NASP: variants seen among roughly 807,000 people sequenced by gnomAD.
NASP encodes the protein nuclear autoantigenic sperm protein, also known as NASP histone chaperone.
A neutral mutation model predicts 89.5 loss-of-function variants in NASP; 24 were observed. The ratio of observed to expected loss-of-function variants is 0.27; its 90% CI spans 0.19 to 0.38. The LOEUF is 0.38. Among genes scored for constraint, NASP ranks in the 10% least tolerant of loss-of-function variants. NASP has a pLI of 1.00. For synonymous variants in NASP, 306 were observed against 324.7 expected (o/e 0.94, Z 0.62); for missense variants, 848 against 921.4 (o/e 0.92, Z 1.03).
intron 6 of NASP, chr1:45,610,325 A>G (rs139287517): frequency 2.0e-5 from 3 of 152,222 alleles, no homozygotes; most frequent in East Asian, 1.9e-4. Context: ...AAGACAATAC[A>G]GTTTTCCATA....
chr1:45,584,783 ATTGT>A (rs1644505445), intron 1 of NASP, among the ~76,000 whole-genome samples: 1 of 151,930 alleles, frequency 6.6e-6, no homozygotes, highest in Non-Finnish European at 1.5e-5. Flanking sequence ...GGAAAACTCC[ATTGT>A]TTGGGGCCGC....
At chr1:45,588,568 G>A (rs969823612) in intron 1 of NASP, 11 of 438,344 alleles carry the variant, frequency 2.5e-5, no homozygotes, top group African/African-American at 2.1e-4. Flanking sequence ...ATGTATGGGA[G>A]TACAATTTCT....
intron 1 of NASP, among the ~76,000 whole-genome samples, chr1:45,585,392 G>C (rs988194761): frequency 2.6e-5 from 4 of 152,078 alleles, no homozygotes; most frequent in Non-Finnish European, 5.9e-5. Flanking sequence ...TTTGTTTATA[G>C]TTAGAGATTT....
intron 1 of NASP, among the ~76,000 whole-genome samples, chr1:45,587,083 T>G (rs962961553): frequency 2.0e-5 from 3 of 152,216 alleles, no homozygotes; most frequent in African/African-American, 7.2e-5. Flanking sequence ...TTAGGTTGGC[T>G]TTTGTCCCCT....
intron 2 of NASP, among the ~76,000 whole-genome samples, chr1:45,601,041 A>G (rs965582032): frequency 2.0e-5 from 3 of 152,124 alleles, no homozygotes; most frequent in African/African-American, 7.2e-5. Context: ...TTTTATTACT[A>G]CGTTCTAAGA....
chr1:45,615,615 A>G, intron 11 of NASP, 144 bp downstream of exon 11: 1 of 719,510 alleles, frequency 1.4e-6, no homozygotes, highest in Non-Finnish European at 2.3e-6. Flanking sequence ...TGCAGTGGTT[A>G]AGAGGAAATA....
intron 12 of NASP, 41 bp downstream of exon 12, chr1:45,616,434 T>G: frequency 6.3e-7 from 1 of 1,598,150 alleles, no homozygotes; most frequent in East Asian, 2.2e-5. Flanking sequence ...ACATTAAGTC[T>G]CAGTGTTGGC....
intron 1 of NASP, among the ~76,000 whole-genome samples, chr1:45,587,778 G>T (rs1462870456): frequency 6.8e-6 from 1 of 148,092 alleles, no homozygotes; most frequent in Non-Finnish European, 1.5e-5. Context: ...TGCCTCCCCT[G>T]TGCAAGCGAT....
At chr1:45,586,279 TGTGTG>T (rs1263260220) in intron 1 of NASP, among the ~76,000 whole-genome samples, 23 of 39,740 alleles carry the variant, frequency 5.8e-4, no homozygotes, top group Admixed American at 1.8e-3. Context: ...TGTGTGTGTG[TGTGTG>T]GTGTGTGTGT....
At chr1:45,607,239 G>GGAAT (rs745851273) in intron 5 of NASP, 82 bp from the exon 6 acceptor site, 2 of 1,409,162 alleles carry the variant, frequency 1.4e-6, no homozygotes, top group East Asian at 4.8e-5. Flanking sequence ...GGGTTTAAAG[G>GGAAT]GAATGTATTT....
At chr1:45,604,778 A>G (rs1382402511) in intron 3 of NASP, 158 bp from the exon 4 acceptor site, 2 of 577,190 alleles carry the variant, frequency 3.5e-6, no homozygotes, top group Non-Finnish European at 6.1e-6. Context: ...CAAAATTTTC[A>G]TGCATTGTTT....
intron 3 of NASP, among the ~76,000 whole-genome samples, chr1:45,602,809 A>G (rs1387652700): frequency 6.6e-6 from 1 of 152,188 alleles, no homozygotes; most frequent in Non-Finnish European, 1.5e-5. Flanking sequence ...CTTTTGGTAG[A>G]GATGGGGTTT....
rs774690643 is a variant in NASP at position 45,616,722 on chromosome 1, T to G, written c.2157+19T>G. ...AAAGAAGGTAAGTCTACATGTGGTG[T>G]TTCTTTTCTACCGTTTCCTCAGACT... On this transcript the variant is annotated intron_variant, in intron 13 of 14. Coordinates refer to ENST00000350030, the MANE Select transcript of NASP (RefSeq NM_002482.4). 4 of 1,602,308 alleles carry G rather than the reference T, an allele frequency of 2.5e-6. No homozygotes were observed. Among genetic ancestry groups the G allele is most frequent in the African/African-American group, 2.7e-5 (2 of 74,694 alleles).
rs1333718375 is a variant in NASP, at chr1:45,606,595, T to A, written c.409+4T>A. 1 of 1,566,380 alleles carries A rather than the reference T, an allele frequency of 6.4e-7. No homozygotes were observed. Among genetic ancestry groups the A allele is most frequent in the South Asian group, 1.1e-5 (1 of 90,134 alleles). ...GAAAATAATGATAACATAGATGGTA[T>A]GTGGAGTTGCATGTGACATTCAAGA... On this transcript the variant is annotated splice_donor_region_variant and intron_variant, in intron 5 of 14. Transcript: ENST00000350030.
chr1:45,601,588 T>G (rs1293554071), intron 2 of NASP, among the ~76,000 whole-genome samples: 1 of 152,162 alleles, frequency 6.6e-6, no homozygotes, highest in Admixed American at 6.5e-5. Flanking sequence ...TTGCCCTGTT[T>G]ACCTAAATGC....
intron 1 of NASP, chr1:45,588,965 T>C: frequency 5.9e-6 from 1 of 168,888 alleles, no homozygotes; most frequent in Non-Finnish European, 1.3e-5. Context: ...AAGTGTTTGT[T>C]TGTTTGTTTG....
chr1:45,613,272 T>A, intron 7 of NASP, 24 bp downstream of exon 7: 1 of 1,592,630 alleles, frequency 6.3e-7, no homozygotes, highest in Non-Finnish European at 8.5e-7. Context: ...CACTCAGTAC[T>A]GTTGTCAGCC....
intron 1 of NASP, among the ~76,000 whole-genome samples, chr1:45,587,675 T>TAA (rs1644574402): frequency 5.0e-5 from 4 of 80,704 alleles, no homozygotes; most frequent in Non-Finnish European, 9.6e-5. Context: ...TATATATATA[T>TAA]ATATATATAT....
intron 1 of NASP, among the ~76,000 whole-genome samples, chr1:45,589,503 G>A (rs1327709961): frequency 6.6e-6 from 1 of 152,040 alleles, no homozygotes; most frequent in East Asian, 1.9e-4. Flanking sequence ...TACTTCTCTG[G>A]ATTCATGCTC....
Sources: gnomAD v4.1 joint callset for allele counts (sites outside exome capture counted in the v4.1 genomes callset) on GRCh38, gnomAD v4.1.1 for gene constraint, MANE v1.5 for transcripts, NCBI Gene and HGNC (gene_info 2026-07-23, HGNC 2026-07-21) for gene names.